The following TRPM3 variants were observed in gnomAD, a reference collection of about 807,000 sequenced individuals.
The protein encoded by TRPM3 is transient receptor potential cation channel subfamily M member 3, also known as long transient receptor potential channel 3.
TRPM3 carries 77 observed loss-of-function variants against 181.2 expected under a neutral mutation model. The observed-to-expected ratio is 0.42, with a 90% CI of 0.35 to 0.51. The LOEUF (loss-of-function observed/expected upper bound fraction) is 0.51. Ranked by LOEUF, TRPM3 falls within the 20% of genes least tolerant of loss-of-function variation. The probability of loss-of-function intolerance (pLI) is 0.01; values close to 1 mark genes in which losing one functional copy is unlikely to be tolerated. For missense variants in TRPM3, 1,759 were observed against 2,196.7 expected (o/e 0.80, Z 3.98); for synonymous variants, 745 against 796.4 (o/e 0.94, Z 1.09).
At chr9:71,315,996 T>G (rs900857915) in intron 1 of TRPM3, among the ~76,000 whole-genome samples, 2 of 152,228 alleles carry the variant, frequency 1.3e-5, no homozygotes, top group Non-Finnish European at 2.9e-5. Context: ...AGAAACTGTC[T>G]ATTAACCTAG....
In TRPM3 at chr9:71,040,727, C is replaced by A. The variant is rs1031580282; in HGVS notation, c.177+80451G>T. Among the ~76,000 whole-genome samples, 6 of 152,114 alleles carry A rather than the reference C, an allele frequency of 3.9e-5. No individual in the cohort carries two copies. In the East Asian group the frequency reaches 7.7e-4, roughly 20 times the overall value. The stretch of plus-strand genomic sequence containing the variant: ...ACCTCAACTTAGGGATGAAAACTGA[C>A]ATCAGCAGGAATGAGAAACAGACAT... On this transcript the variant is annotated intron_variant, in intron 1 of 25. Transcript: ENST00000677713.
intron 1 of TRPM3, among the ~76,000 whole-genome samples, chr9:71,337,496 A>C (rs2132580801): frequency 6.6e-6 from 1 of 152,328 alleles, no homozygotes; most frequent in Non-Finnish European, 1.5e-5. Flanking sequence ...AACTAGTTCA[A>C]CCATTGTGGA....
intron 1 of TRPM3, among the ~76,000 whole-genome samples, chr9:71,039,394 T>C (rs1565045915): frequency 6.6e-6 from 1 of 152,228 alleles, no homozygotes; most frequent in Non-Finnish European, 1.5e-5. Flanking sequence ...AAAAGGTCTA[T>C]GACATTTAAG....
intron 9 of TRPM3, among the ~76,000 whole-genome samples, chr9:70,645,773 C>T (rs1405345860): frequency 3.3e-5 from 5 of 151,694 alleles, no homozygotes; most frequent in African/African-American, 1.2e-4. Flanking sequence ...ATAAATAAAA[C>T]TATCATCAGA....
intron 1 of TRPM3, among the ~76,000 whole-genome samples, chr9:70,972,543 C>T (rs1590195183): frequency 6.6e-6 from 1 of 152,002 alleles, no homozygotes; most frequent in South Asian, 2.1e-4. Flanking sequence ...TTCTGGAATT[C>T]GAGAGTGATG....
At chr9:70,917,136 C>A (rs1326477204) in intron 1 of TRPM3, 1 of 1,605,520 alleles carries the variant, frequency 6.2e-7, no homozygotes. Flanking sequence ...CGGATGAGTT[C>A]GGCCACATCT....
chr9:71,115,725 C>A (rs555458881), intron 1 of TRPM3, among the ~76,000 whole-genome samples: 57 of 152,270 alleles, frequency 3.7e-4, no homozygotes, highest in African/African-American at 1.4e-3. Flanking sequence ...GATGTCCCAG[C>A]CATTTCCTCC....
At chr9:71,082,774 G>A (rs2064582132) in intron 1 of TRPM3, among the ~76,000 whole-genome samples, 1 of 152,124 alleles carries the variant, frequency 6.6e-6, no homozygotes, top group Non-Finnish European at 1.5e-5. Context: ...ATGTAACCAA[G>A]GGGGTGGTTT....
chr9:70,802,797 A>C (rs2089499598), intron 6 of TRPM3, among the ~76,000 whole-genome samples: 1 of 152,108 alleles, frequency 6.6e-6, no homozygotes, highest in Non-Finnish European at 1.5e-5. Flanking sequence ...CACTAGTAAA[A>C]TTTGCCTAGC....
chr9:70,815,902 AG>A (rs2092645679), intron 6 of TRPM3, among the ~76,000 whole-genome samples: 1 of 152,216 alleles, frequency 6.6e-6, no homozygotes. Flanking sequence ...AAAGATGTTA[AG>A]CCAGAAGCTG....
chr9:71,276,464 A>T (rs1425808510), intron 1 of TRPM3, among the ~76,000 whole-genome samples: 2 of 152,188 alleles, frequency 1.3e-5, no homozygotes. Context: ...TATACAAAAA[A>T]AACTCCAAGA....
intron 1 of TRPM3, among the ~76,000 whole-genome samples, chr9:71,351,913 T>G (rs1226732111): frequency 6.7e-6 from 1 of 149,926 alleles, no homozygotes; most frequent in African/African-American, 2.5e-5. Context: ...TCTTGCTCTG[T>G]CGCCCAGGCT....
Position 70,619,030 on chromosome 9 carries a change from A to T in TRPM3, c.2195T>A (p.Met732Lys). 6.2e-7 allele frequency: 1 copy of T among 1,614,196 alleles called. No homozygotes were observed. The highest frequency in any genetic ancestry group is 1.1e-5 in the South Asian group (1 of 91,084). The change falls in exon 17 of 26, where the codon ATG becomes AAG. Residue 732 changes from methionine to lysine, a missense_variant. Physicochemically the swap from Met to Lys is moderately conservative, Grantham distance 95 (BLOSUM62 -1). This residue lies in a region of TRPM3 where 737 missense variants were observed against 957.4 expected (regional missense o/e 0.77). Coordinates refer to ENST00000677713, the MANE Select transcript of TRPM3 (RefSeq NM_001366145.2). ...QSYKQDEQLAMKLLTYELKNW... is the reference protein window; with the variant it reads ...QSYKQDEQLAKKLLTYELKNW... ...CTTCAGCTCATACGTCAGCAGTTTCATGGCCAGCTGTTCGTCCTGCTTGTA... is the reference window on the plus strand; with the variant it reads ...CTTCAGCTCATACGTCAGCAGTTTCTTGGCCAGCTGTTCGTCCTGCTTGTA...
At position 70,742,647 on chromosome 9, in the gene TRPM3, C is replaced by T. The variant is rs143966003; in HGVS notation, c.1272+18954G>A. Among the ~76,000 whole-genome samples the T allele has an allele frequency of 2.1e-3, 326 of 152,134 alleles. 1 individual carries two copies. Among genetic ancestry groups the T allele is most frequent in the African/African-American group, 7.2e-3 (300 of 41,526 alleles). On this transcript the variant is annotated intron_variant, in intron 8 of 25. Transcript: ENST00000677713. Reference sequence around the variant, plus strand: ...AGTATTAATTTAAGGAAGGTTAAGGCTTATGTTCTATTTTTGCTGTCTGGA... The same window carrying T: ...AGTATTAATTTAAGGAAGGTTAAGGTTTATGTTCTATTTTTGCTGTCTGGA...
At chr9:71,354,434 C>T (rs1180495222) in intron 1 of TRPM3, among the ~76,000 whole-genome samples, 2 of 152,176 alleles carry the variant, frequency 1.3e-5, no homozygotes, top group African/African-American at 4.8e-5. Context: ...AAACAAGCTT[C>T]GATGGGACCC....
Position 70,537,416 on chromosome 9 carries a change from AAG to A in TRPM3, c.3708-13_3708-12del, listed in dbSNP as rs2042066974. ...GACATGTTCTCCACCCTGCGCGAGG[AAG>A]AGAGAATGAGAGTCACTCGGCCTGG... On this transcript the variant is annotated splice_polypyrimidine_tract_variant and intron_variant, in intron 25 of 25. Transcript: ENST00000677713. The A allele has an allele frequency of 1.4e-6, 2 of 1,439,190 alleles. No individual in the cohort carries two copies. The highest frequency in any genetic ancestry group is 4.8e-5 in the East Asian group (2 of 41,934). The allele number at this position is 1,439,190 out of a possible 1,614,324, so 89.2% of individuals were successfully genotyped here.
At chr9:71,329,434 C>G (rs2089958057) in intron 1 of TRPM3, among the ~76,000 whole-genome samples, 1 of 152,004 alleles carries the variant, frequency 6.6e-6, no homozygotes, top group South Asian at 2.1e-4. Context: ...ATGGAATATC[C>G]CAAAGCCTTA....
intron 1 of TRPM3, among the ~76,000 whole-genome samples, chr9:71,244,813 C>T (rs928520658): frequency 1.3e-5 from 2 of 151,962 alleles, no homozygotes; most frequent in African/African-American, 4.8e-5. Context: ...CCACAGGCTA[C>T]AATAAAAAGC....
intron 1 of TRPM3, among the ~76,000 whole-genome samples, chr9:71,217,436 T>G (rs1443792297): frequency 6.6e-6 from 1 of 152,090 alleles, no homozygotes; most frequent in African/African-American, 2.4e-5. Context: ...GTGTTTGGCT[T>G]CCATAATAAA....
Sources: allele counts gnomAD v4.1 joint callset (sites outside exome capture counted in the v4.1 genomes callset), GRCh38; gene constraint gnomAD v4.1.1; regional missense constraint gnomAD v4.1.1; transcripts MANE v1.5; gene names NCBI Gene and HGNC (gene_info 2026-07-23, HGNC 2026-07-21).